NLGN1: variants seen among roughly 807,000 people sequenced by gnomAD.
NLGN1 encodes the protein neuroligin 1, also known as neuroligin-1.
Under a neutral mutation model 65.5 loss-of-function variants are expected in NLGN1, and 12 were observed. The observed-to-expected ratio is 0.18, with a 90% CI of 0.12 to 0.30. The LOEUF (loss-of-function observed/expected upper bound fraction) is 0.30. NLGN1 is among the 10% of genes least tolerant of loss of function. The pLI is 1.00. For missense variants in NLGN1, 750 were observed against 1,007.1 expected, an observed-to-expected ratio of 0.74 and a Z score of 3.46; for synonymous variants, 350 against 359.5, an observed-to-expected ratio of 0.97 and a Z score of 0.30.
At chr3:173,435,452 A>T (rs1379212743) in intron 2 of NLGN1, among the ~76,000 whole-genome samples, 1 of 152,174 alleles carries the variant, frequency 6.6e-6, no homozygotes, top group Non-Finnish European at 1.5e-5. Flanking sequence ...TTGATGATAT[A>T]TACATACACA....
chr3:174,236,417 T>C (rs1741725050), intron 4 of NLGN1, among the ~76,000 whole-genome samples: 1 of 152,058 alleles, frequency 6.6e-6, no homozygotes, highest in Admixed American at 6.6e-5. Context: ...AATTACTGTA[T>C]TTCTAAGAGT....
chr3:173,907,356 C>G (rs1738621176), intron 4 of NLGN1, among the ~76,000 whole-genome samples: 1 of 152,068 alleles, frequency 6.6e-6, no homozygotes, highest in African/African-American at 2.4e-5. Context: ...TAGCTATGTC[C>G]AGTTAGTGGA....
chr3:173,856,333 T>C (rs1231874957), intron 4 of NLGN1, among the ~76,000 whole-genome samples: 1 of 152,140 alleles, frequency 6.6e-6, no homozygotes, highest in Non-Finnish European at 1.5e-5. Context: ...TTATCTCATT[T>C]AATCCTTAAA....
At chr3:173,774,975 G>C (rs111777289) in intron 3 of NLGN1, among the ~76,000 whole-genome samples, 1,731 of 152,058 alleles carry the variant, frequency 0.011, 34 homozygotes, top group African/African-American at 0.039. Context: ...TTTCAGATTT[G>C]ATACATTATA....
intron 4 of NLGN1, among the ~76,000 whole-genome samples, chr3:173,912,895 A>T (rs577464124): frequency 2.6e-5 from 4 of 152,306 alleles, no homozygotes; most frequent in Admixed American, 2.6e-4. Context: ...GTTAATATTG[A>T]TCCCTCCTTT....
At chr3:173,438,135 A>T (rs1718484396) in intron 2 of NLGN1, among the ~76,000 whole-genome samples, 1 of 152,112 alleles carries the variant, frequency 6.6e-6, no homozygotes, top group Admixed American at 6.6e-5. Context: ...AAAAAACAGA[A>T]ATAAGCCTTT....
chr3:174,237,131 TAA>T (rs1029357546), intron 4 of NLGN1, among the ~76,000 whole-genome samples: 23 of 152,192 alleles, frequency 1.5e-4, no homozygotes, highest in Middle Eastern at 6.8e-3. Flanking sequence ...GAAAATTAAA[TAA>T]AGTCTTTTTT....
At chr3:173,638,721 T>G (rs551400299) in intron 3 of NLGN1, among the ~76,000 whole-genome samples, 1 of 152,314 alleles carries the variant, frequency 6.6e-6, no homozygotes, top group South Asian at 2.1e-4. Context: ...GGAGTTCTCT[T>G]TATTGAAATA....
chr3:173,788,498 A>G (rs943534645), intron 3 of NLGN1, among the ~76,000 whole-genome samples: 8 of 152,134 alleles, frequency 5.3e-5, no homozygotes, highest in African/African-American at 1.7e-4. Flanking sequence ...TAAGAGCTAT[A>G]CATATATTAC....
chr3:174,256,343 A>G (rs1745757620), intron 4 of NLGN1, among the ~76,000 whole-genome samples: 2 of 152,170 alleles, frequency 1.3e-5, no homozygotes, highest in African/African-American at 2.4e-5. Context: ...ATGCTGTCCC[A>G]CTTCTCAGAC....
chr3:174,191,897 A>G (rs1732454666), intron 4 of NLGN1, among the ~76,000 whole-genome samples: 1 of 152,134 alleles, frequency 6.6e-6, no homozygotes, highest in Non-Finnish European at 1.5e-5. Flanking sequence ...TATGAAATTT[A>G]CTTTAAGTAG....
At chr3:173,551,139 A>G (rs1366741576) in intron 2 of NLGN1, among the ~76,000 whole-genome samples, 2 of 152,182 alleles carry the variant, frequency 1.3e-5, no homozygotes, top group Non-Finnish European at 2.9e-5. Context: ...ATTAAGTTGG[A>G]CTGGAGTTGT....
chr3:173,815,196 C>T (rs528181220), intron 4 of NLGN1, among the ~76,000 whole-genome samples: 102 of 151,366 alleles, frequency 6.7e-4, no homozygotes, highest in African/African-American at 2.4e-3. Flanking sequence ...CTGCAACCTC[C>T]GCCTCCCAGG....
intron 4 of NLGN1, among the ~76,000 whole-genome samples, chr3:174,170,594 C>A (rs1728338848): frequency 6.6e-6 from 1 of 152,156 alleles, no homozygotes; most frequent in Non-Finnish European, 1.5e-5. Flanking sequence ...ACTGACTATA[C>A]CTTTCAGCTC....
chr3:174,085,775 C>T (rs1010833017), intron 4 of NLGN1, among the ~76,000 whole-genome samples: 1 of 151,936 alleles, frequency 6.6e-6, no homozygotes, highest in African/African-American at 2.4e-5. Context: ...TGTCTGTTGG[C>T]AGCAAAAAGA....
intron 1 of NLGN1, among the ~76,000 whole-genome samples, chr3:173,400,691 C>T (rs767578315): frequency 6.6e-6 from 1 of 152,132 alleles, no homozygotes; most frequent in Non-Finnish European, 1.5e-5. Flanking sequence ...GGGAGTAGCC[C>T]ACCTTTCACA....
At chr3:173,589,694 T>G (rs1487504927) in intron 2 of NLGN1, among the ~76,000 whole-genome samples, 1 of 152,174 alleles carries the variant, frequency 6.6e-6, no homozygotes, top group Non-Finnish European at 1.5e-5. Flanking sequence ...ATACATATGG[T>G]TCTCAACAAA....
chr3:173,903,633 T>C (rs965362493), intron 4 of NLGN1, among the ~76,000 whole-genome samples: 1 of 152,136 alleles, frequency 6.6e-6, no homozygotes, highest in African/African-American at 2.4e-5. Context: ...AGGCCAGGCC[T>C]ACATATCAAG....
At chr3:173,531,590 C>CACAT (rs760049826) in intron 2 of NLGN1, among the ~76,000 whole-genome samples, 2 of 151,662 alleles carry the variant, frequency 1.3e-5, no homozygotes, top group Non-Finnish European at 2.9e-5. Context: ...CACACACACA[C>CACAT]TTCTATGGAA....
Sources: allele counts gnomAD v4.1 joint callset (sites outside exome capture counted in the v4.1 genomes callset), GRCh38; gene constraint gnomAD v4.1.1; transcripts MANE v1.5; gene names NCBI Gene and HGNC (gene_info 2026-07-23, HGNC 2026-07-21).